The following TNRC6A variants were observed in gnomAD, a reference collection of about 807,000 sequenced individuals.
The protein encoded by TNRC6A is trinucleotide repeat-containing gene 6A protein.
A neutral mutation model predicts 221.2 loss-of-function variants in TNRC6A; 44 were observed. The observed-to-expected ratio is 0.20, with a 90% CI of 0.16 to 0.26. The LOEUF (loss-of-function observed/expected upper bound fraction) is 0.26, where lower values mean the gene tolerates loss of function less well. TNRC6A is among the 10% of genes least tolerant of loss of function. The probability of loss-of-function intolerance (pLI) is 1.00; values close to 1 mark genes in which losing one functional copy is unlikely to be tolerated. For missense variants in TNRC6A, 2,199 were observed against 2,404.4 expected, an observed-to-expected ratio of 0.91 and a Z score of 1.79; for synonymous variants, 847 against 838.5, an observed-to-expected ratio of 1.01 and a Z score of -0.18.
chr16:24,752,633 C>G (rs1171686539), intron 3 of TNRC6A, among the ~76,000 whole-genome samples: 3 of 152,150 alleles, frequency 2.0e-5, no homozygotes, highest in Admixed American at 2.0e-4. Context: ...AAGTTGTGTC[C>G]TCTGTAAGTC....
intron 2 of TNRC6A, among the ~76,000 whole-genome samples, chr16:24,734,149 T>G (rs2056708588): frequency 6.6e-6 from 1 of 152,022 alleles, no homozygotes; most frequent in South Asian, 2.1e-4. Flanking sequence ...CATTCCAGCC[T>G]GGGAAACAGA....
intron 6 of TNRC6A, among the ~76,000 whole-genome samples, chr16:24,792,333 A>G (rs1284601005): frequency 1.3e-5 from 2 of 152,212 alleles, no homozygotes; most frequent in African/African-American, 4.8e-5. Flanking sequence ...TTCCTCTCTA[A>G]TAATGAACTA....
At chr16:24,629,580 C>T (rs1901226704) in intron 1 of TNRC6A, among the ~76,000 whole-genome samples, 1 of 152,094 alleles carries the variant, frequency 6.6e-6, no homozygotes, top group African/African-American at 2.4e-5. Flanking sequence ...CAGTACTGCC[C>T]CCTAATATAT....
rs147946438 is a variant in TNRC6A, at chr16:24,818,666, C to T, written c.5046C>T (p.Asn1682=). Residue 1682 remains asparagine (N), a synonymous_variant, in exon 21 of 25, where the codon AAC becomes AAT. Transcript: ENST00000395799. The part of the protein sequence containing the change: ...AWSSIRASNY[N]VPLSSTAQST... ...CATCCATTCGTGCCTCCAACTACAA[C>T]GTTCCCCTCAGCAGTACAGCACAAA... The T allele has an allele frequency of 3.6e-5, 58 of 1,614,156 alleles. 1 individual carries two copies. The highest frequency in any genetic ancestry group is 4.5e-5 in the Non-Finnish European group (53 of 1,180,012).
At chr16:24,776,769 T>C in intron 4 of TNRC6A, 164 bp from the exon 5 acceptor site, 6 of 985,390 alleles carry the variant, frequency 6.1e-6, no homozygotes, top group Non-Finnish European at 7.2e-6. Flanking sequence ...GGCAGTGACA[T>C]CTCCTAACAA....
intron 1 of TNRC6A, among the ~76,000 whole-genome samples, chr16:24,626,061 T>C (rs911935910): frequency 2.6e-5 from 4 of 152,178 alleles, no homozygotes; most frequent in African/African-American, 9.7e-5. Context: ...GCAGGTTTGT[T>C]ACAAAGGTAT....
intron 1 of TNRC6A, 125 bp from the exon 2 acceptor site, chr16:24,730,128 C>A (rs923599451): frequency 2.4e-6 from 2 of 821,276 alleles, no homozygotes; most frequent in African/African-American, 3.7e-5. Context: ...CCCCCTCCCC[C>A]CGTCCTCTCC....
chr16:24,688,437 CA>C (rs1461804297), intron 2 of TNRC6A, among the ~76,000 whole-genome samples: 1 of 152,168 alleles, frequency 6.6e-6, no homozygotes, highest in Non-Finnish European at 1.5e-5. Context: ...CCACTTGAGG[CA>C]TTGACCCTCA....
chr16:24,687,717 G>A (rs964158518), intron 2 of TNRC6A, among the ~76,000 whole-genome samples: 3 of 151,956 alleles, frequency 2.0e-5, no homozygotes, highest in African/African-American at 7.3e-5. Flanking sequence ...AAGATCACTT[G>A]AGCCCTGAGG....
At chr16:24,684,454 T>G (rs2055588824) in intron 2 of TNRC6A, among the ~76,000 whole-genome samples, 1 of 151,308 alleles carries the variant, frequency 6.6e-6, no homozygotes, top group Non-Finnish European at 1.5e-5. Flanking sequence ...AAATTTGAAT[T>G]TTACCTAATT....
At chr16:24,623,194 C>T (rs997433266) in intron 1 of TNRC6A, among the ~76,000 whole-genome samples, 3 of 137,246 alleles carry the variant, frequency 2.2e-5, no homozygotes, top group African/African-American at 8.3e-5. Flanking sequence ...TATTTATTTA[C>T]TTATTTTATT....
In TNRC6A at chr16:24,654,122, TGTGCACTCAAATTTG is replaced by T. The variant is rs1315425632; in HGVS notation, n.402+13127_402+13141del. ...TCTCAATATGTTACCCAGGCTGCCA[TGTGCACTCAAATTTG>T]GTGCACTCAAATTCCTGGCCTCAAG... On this transcript the variant is annotated intron_variant and non_coding_transcript_variant, in intron 2 of 2. Transcript: ENST00000566108. 4.6e-5 allele frequency among the ~76,000 whole-genome samples: 7 copies of T among 152,324 alleles called. 1 individual carries two copies. The South Asian group carries it at 6.2e-4, about 14-fold the overall frequency.
At chr16:24,619,251 A>G (rs1900540707) in intron 1 of TNRC6A, among the ~76,000 whole-genome samples, 1 of 152,182 alleles carries the variant, frequency 6.6e-6, no homozygotes, top group African/African-American at 2.4e-5. Flanking sequence ...AAATTCACCT[A>G]TTATCATCGT....
At chr16:24,785,115 G>A (rs2057937350) in intron 5 of TNRC6A, among the ~76,000 whole-genome samples, 1 of 152,098 alleles carries the variant, frequency 6.6e-6, no homozygotes, top group Non-Finnish European at 1.5e-5. Flanking sequence ...ACATATACTT[G>A]GATCTGTTTC....
chr16:24,618,304 A>C (rs561787850), intron 1 of TNRC6A, among the ~76,000 whole-genome samples: 1 of 152,334 alleles, frequency 6.6e-6, no homozygotes, highest in East Asian at 1.9e-4. Context: ...TGCATGTGCC[A>C]GCCACTGAGC....
intron 2 of TNRC6A, among the ~76,000 whole-genome samples, chr16:24,739,225 G>T (rs2056838591): frequency 6.6e-6 from 1 of 152,154 alleles, no homozygotes; most frequent in Admixed American, 6.5e-5. Context: ...CATCCTAATA[G>T]ATGTAAAGTG....
intron 2 of TNRC6A, among the ~76,000 whole-genome samples, chr16:24,743,055 G>T (rs987914778): frequency 6.6e-6 from 1 of 152,180 alleles, no homozygotes; most frequent in Non-Finnish European, 1.5e-5. Context: ...TAGGATTTGG[G>T]TGGGTAGATG....
intron 2 of TNRC6A, among the ~76,000 whole-genome samples, chr16:24,700,485 C>G (rs28512462): frequency 0.64 from 97,766 of 151,862 alleles, 31,792 homozygotes; most frequent in African/African-American, 0.74. Flanking sequence ...GAGCCTCCCC[C>G]CTTGACCTCT....
chr16:24,669,238 C>T (rs576693225), intron 2 of TNRC6A, among the ~76,000 whole-genome samples: 1 of 152,252 alleles, frequency 6.6e-6, no homozygotes, highest in South Asian at 2.1e-4. Flanking sequence ...GGCATTCACA[C>T]TTATAATCCC....
Sources: allele counts gnomAD v4.1 joint callset (sites outside exome capture counted in the v4.1 genomes callset), GRCh38; gene constraint gnomAD v4.1.1; transcripts MANE v1.5; gene names NCBI Gene and HGNC (gene_info 2026-07-23, HGNC 2026-07-21).